GSG1L2: variants seen among roughly 807,000 people sequenced by gnomAD.
GSG1L2 encodes germ cell-specific gene 1-like protein 2.
Under a neutral mutation model 9.0 loss-of-function variants are expected in GSG1L2, and 15 were observed. That is an observed-to-expected ratio of 1.67 (90% CI 1.12 to 2.57). GSG1L2 has a LOEUF of 2.57. GSG1L2 is among the 30% of genes most tolerant of loss of function. The probability of loss-of-function intolerance (pLI) is 0.00; values close to 1 mark genes in which losing one functional copy is unlikely to be tolerated. For missense variants in GSG1L2, 286 were observed against 150.3 expected (o/e 1.90, Z -4.72); for synonymous variants, 127 against 57.9 (o/e 2.19, Z -5.41).
chr17:9,810,638 C>T lies in GSG1L2; in HGVS notation c.311-20G>A. ...TTTCATCTGAAAGATAAAGAGAATG[C>T]ATCCAGAAGTGGGTTACACTTCACA... On this transcript the variant is annotated intron_variant, in intron 1 of 4. Coordinates refer to ENST00000399363, the MANE Select transcript of GSG1L2 (RefSeq NM_001310219.2). The T allele has an allele frequency of 1.4e-6, 1 of 702,948 alleles. No individual in the cohort carries two copies. Among genetic ancestry groups the T allele is most frequent in the South Asian group, 1.5e-5 (1 of 67,586 alleles). The allele number at this position is 702,948 out of a possible 1,614,324, so 43.5% of individuals were successfully genotyped here. A position where few individuals can be genotyped will look rare whatever the true frequency, so the allele number is the denominator to read the frequency against.
intron 1 of GSG1L2, chr17:9,811,090 C>T (rs2066537157): frequency 6.3e-6 from 1 of 159,788 alleles, no homozygotes; most frequent in South Asian, 1.8e-4. Context: ...CCTATCCTAT[C>T]TGGACTAATA....
At chr17:9,802,778 T>C in intron 4 of GSG1L2, 134 bp from the exon 5 acceptor site, 1 of 610,346 alleles carries the variant, frequency 1.6e-6, no homozygotes, top group South Asian at 1.9e-5. Context: ...GCATTTTGGA[T>C]CACAAATCCC....
chr17:9,812,301 T>C (rs1188413437), intron 1 of GSG1L2, among the ~76,000 whole-genome samples: 1 of 152,034 alleles, frequency 6.6e-6, no homozygotes, highest in East Asian at 1.9e-4. Flanking sequence ...CCCCAAGTAA[T>C]TTAATTTTCC....
intron 3 of GSG1L2, among the ~76,000 whole-genome samples, chr17:9,808,489 G>A (rs1052212162): frequency 3.9e-5 from 6 of 152,174 alleles, no homozygotes; most frequent in African/African-American, 1.2e-4. Flanking sequence ...CCATTAAGGA[G>A]ACGTCTGCAA....
chr17:9,816,900 G>GTGTGTGTCTC (rs1395575505), intron 1 of GSG1L2, among the ~76,000 whole-genome samples: 2,110 of 108,102 alleles, frequency 0.02, 46 homozygotes, highest in African/African-American at 0.083. Context: ...GTGTATCTGT[G>GTGTGTGTCTC]TGTGTGTATC....
chr17:9,808,667 A>G, intron 3 of GSG1L2, 163 bp downstream of exon 3: 2 of 568,590 alleles, frequency 3.5e-6, no homozygotes, highest in Non-Finnish European at 3.1e-6. Context: ...TATTGTCTCC[A>G]GCCAATGGAA....
rs2066520476 is a variant in GSG1L2, at chr17:9,807,505, T to C, written c.608A>G (p.Tyr203Cys). ...PEDWKPQTWD[Y>C]GWSYCLAWGS... ...AGCAACTTACCAATATGACCAGCCATAGTCCCAGGTCTGAGGCTTCCAATC... is the reference window on the plus strand; with the variant it reads ...AGCAACTTACCAATATGACCAGCCACAGTCCCAGGTCTGAGGCTTCCAATC... Residue 203 changes from tyrosine to cysteine, a missense_variant, in exon 4 of 5, where the codon TAT (tyrosine) becomes TGT (cysteine). Tyr to Cys is a radical substitution (Grantham distance 194). Transcript: ENST00000399363. 3 of 702,864 alleles carry C rather than the reference T, an allele frequency of 4.3e-6. No homozygotes were observed. Among genetic ancestry groups the C allele is most frequent in the Non-Finnish European group, 7.8e-6 (3 of 384,976 alleles). The allele number at this position is 702,864 out of a possible 1,614,324, so 43.5% of individuals were successfully genotyped here.
At chr17:9,815,114 G>A (rs572823114) in intron 1 of GSG1L2, among the ~76,000 whole-genome samples, 55 of 152,216 alleles carry the variant, frequency 3.6e-4, no homozygotes, top group Non-Finnish European at 6.9e-4. Context: ...GTGGCTGGGT[G>A]CGGTGGCTCA....
At position 9,800,703 on chromosome 17, in the gene GSG1L2, G is replaced by A. The variant is rs1360652322; in HGVS notation, c.*1683C>T. On this transcript the variant is annotated 3_prime_UTR_variant, in exon 5 of 5. Transcript: ENST00000399363. The stretch of plus-strand genomic sequence containing the variant: ...GAATTCAGCGAAGTCTCTCTCCAGT[G>A]TATTTCATTCCCTGTAAGATGAGAC... Among the ~76,000 whole-genome samples the A allele has an allele frequency of 6.6e-6, 1 of 152,226 alleles. No homozygotes were observed. Among genetic ancestry groups the A allele is most frequent in the Non-Finnish European group, 1.5e-5 (1 of 68,044 alleles).
At chr17:9,816,206 C>T (rs372511889) in intron 1 of GSG1L2, among the ~76,000 whole-genome samples, 3 of 152,322 alleles carry the variant, frequency 2.0e-5, no homozygotes, top group East Asian at 3.9e-4. Flanking sequence ...GAATGGACAA[C>T]GACAGAAGTC....
chr17:9,821,724 C>A (rs757978571), intron 1 of GSG1L2, 38 bp downstream of exon 1: 1 of 696,166 alleles, frequency 1.4e-6, no homozygotes, highest in African/African-American at 1.8e-5. Context: ...TGCCCCATCC[C>A]GCACCTGTCT....
At chr17:9,815,862 G>A (rs1158083784) in intron 1 of GSG1L2, among the ~76,000 whole-genome samples, 1 of 152,132 alleles carries the variant, frequency 6.6e-6, no homozygotes, top group African/African-American at 2.4e-5. Flanking sequence ...GAATTGAGAG[G>A]TGGGAGCTTT....
rs2066591213 is a variant in GSG1L2, at chr17:9,821,851, T to TTGGG, written c.220_221insCCCA (p.Tyr74SerfsTer8). On this transcript the variant is annotated frameshift_variant, in exon 1 of 5. Transcript: ENST00000399363. LOFTEE classifies it high-confidence loss of function. The stretch of plus-strand genomic sequence containing the variant: ...CTTGTCATCACCCAGCTCCCAAATG[T>TTGGG]ACAGGACAGCCTGGCTATTGTTGTC... The TTGGG allele has an allele frequency of 4.3e-6, 3 of 703,298 alleles. No homozygotes were observed. The highest frequency in any genetic ancestry group is 1.7e-5 in the African/African-American group (1 of 57,266). 43.6% of individuals were successfully genotyped at this position (703,298 alleles called of 1,614,324 possible).
chr17:9,803,006 A>C (rs914930073), intron 4 of GSG1L2, among the ~76,000 whole-genome samples: 1 of 152,046 alleles, frequency 6.6e-6, no homozygotes, highest in Admixed American at 6.6e-5. Flanking sequence ...ATGCGTGGGA[A>C]GTATTAATAC....
At chr17:9,810,449 G>T (rs945393005) in intron 2 of GSG1L2, 122 bp downstream of exon 2, 1 of 654,298 alleles carries the variant, frequency 1.5e-6, no homozygotes, top group Non-Finnish European at 2.8e-6. Flanking sequence ...TAGCTTTTGG[G>T]CTGGACTTCA....
In GSG1L2 at chr17:9,821,743, A is replaced by G. The variant is rs1455974997; in HGVS notation, c.310+19T>C. ...CCATCCCGCACCTGTCTTCCCCAGA[A>G]TCTACAGGCTTTGCTCACCTTCACC... On this transcript the variant is annotated intron_variant, in intron 1 of 4. Coordinates refer to ENST00000399363, the MANE Select transcript of GSG1L2 (RefSeq NM_001310219.2). 1.4e-6 allele frequency: 1 copy of G among 700,768 alleles called. No individual in the cohort carries two copies. The highest frequency in any genetic ancestry group is 2.6e-6 in the Non-Finnish European group (1 of 383,034). The allele number at this position is 700,768 out of a possible 1,614,324, so 43.4% of individuals were successfully genotyped here.
chr17:9,816,209 C>T (rs2066558774), intron 1 of GSG1L2, among the ~76,000 whole-genome samples: 1 of 152,256 alleles, frequency 6.6e-6, no homozygotes, highest in African/African-American at 2.4e-5. Flanking sequence ...TGGACAACGA[C>T]AGAAGTCAAG....
intron 1 of GSG1L2, among the ~76,000 whole-genome samples, chr17:9,815,162 C>T: frequency 6.6e-6 from 1 of 152,134 alleles, no homozygotes; most frequent in Non-Finnish European, 1.5e-5. Flanking sequence ...CCGAGGCGGG[C>T]GGATCACGAA....
intron 2 of GSG1L2, 35 bp downstream of exon 2, chr17:9,810,536 A>T (rs1419000112): frequency 2.8e-6 from 2 of 702,398 alleles, no homozygotes; most frequent in East Asian, 5.4e-5. Flanking sequence ...AGCTATGAGG[A>T]GTGCTAGTGG....
Sources: gnomAD v4.1 joint callset for allele counts (sites outside exome capture counted in the v4.1 genomes callset) on GRCh38, gnomAD v4.1.1 for gene constraint, MANE v1.5 for transcripts, NCBI Gene and HGNC (gene_info 2026-07-23, HGNC 2026-07-21) for gene names.